Variants in TPD52 observed in about 807,000 individuals in gnomAD.
The protein encoded by TPD52 is tumor protein D52.
TPD52 carries 17 observed loss-of-function variants against 31.3 expected under a neutral mutation model. That is an observed-to-expected ratio of 0.54 (90% CI 0.37 to 0.82). The LOEUF is 0.82. Among genes scored for constraint, TPD52 ranks in the 40% least tolerant of loss-of-function variants. The pLI, the probability that TPD52 is intolerant of heterozygous loss-of-function variation, is 0.00. For missense variants in TPD52, 212 were observed against 240.1 expected (o/e 0.88, Z 0.77); for synonymous variants, 83 against 89.6 (o/e 0.93, Z 0.42).
chr8:80,138,991 T>C (rs1363534258), intron 1 of TPD52, among the ~76,000 whole-genome samples: 1 of 152,164 alleles, frequency 6.6e-6, no homozygotes, highest in African/African-American at 2.4e-5. Context: ...CTTCCTCCAG[T>C]GCCTCCACTG....
rs139433406 is a variant in TPD52, at chr8:80,098,193, T to C, written c.20-33600A>G. 5.7e-3 allele frequency among the ~76,000 whole-genome samples: 872 copies of C among 152,344 alleles called. 9 individuals are homozygous for C. The highest frequency in any genetic ancestry group is 0.02 in the African/African-American group (832 of 41,584). On this transcript the variant is annotated intron_variant, in intron 1 of 7. Transcript: ENST00000518937. ...CGATGGAGATGTACAAGGAGATGAA[T>C]GTTGTTTTCATGCCTGCTAATACAA...
At chr8:80,064,197 C>G (rs1812865409) in intron 2 of TPD52, among the ~76,000 whole-genome samples, 1 of 152,072 alleles carries the variant, frequency 6.6e-6, no homozygotes. Flanking sequence ...TCAGTGAAGT[C>G]CCTTAGAAGA....
At chr8:80,067,718 T>C (rs1039221593) in intron 1 of TPD52, among the ~76,000 whole-genome samples, 26 of 151,872 alleles carry the variant, frequency 1.7e-4, no homozygotes, top group African/African-American at 5.8e-4. Context: ...AAGACAAAAG[T>C]AGGAGGCTGA....
At chr8:80,068,157 G>C (rs1054727216) in intron 1 of TPD52, among the ~76,000 whole-genome samples, 4 of 151,634 alleles carry the variant, frequency 2.6e-5, no homozygotes, top group Non-Finnish European at 5.9e-5. Context: ...TACTACACCA[G>C]CCACTGTGAG....
intron 1 of TPD52, among the ~76,000 whole-genome samples, chr8:80,167,363 G>A (rs1390083598): frequency 1.3e-5 from 2 of 152,232 alleles, no homozygotes; most frequent in East Asian, 3.8e-4. Context: ...GTTTTGCACT[G>A]TGAGTGAGCG....
At chr8:80,079,229 G>A (rs1243693682) in intron 1 of TPD52, among the ~76,000 whole-genome samples, 1 of 152,208 alleles carries the variant, frequency 6.6e-6, no homozygotes, top group Non-Finnish European at 1.5e-5. Context: ...GGCAAGGCAA[G>A]GTCAGCACTG....
At chr8:80,163,188 G>A (rs1811476246) in intron 1 of TPD52, among the ~76,000 whole-genome samples, 1 of 152,152 alleles carries the variant, frequency 6.6e-6, no homozygotes. Context: ...GTTCATTACA[G>A]CATTATTCAC....
intron 4 of TPD52, among the ~76,000 whole-genome samples, chr8:80,050,983 T>A (rs1811320558): frequency 1.4e-5 from 2 of 146,460 alleles, no homozygotes; most frequent in African/African-American, 5.1e-5. Context: ...CAAGGAAAAC[T>A]CTGCAGACTA....
At chr8:80,169,701 T>C (rs972325388) in intron 1 of TPD52, among the ~76,000 whole-genome samples, 2 of 152,124 alleles carry the variant, frequency 1.3e-5, no homozygotes, top group African/African-American at 4.8e-5. Context: ...CAAATACACA[T>C]GGGCACGTTT....
At chr8:80,152,248 AG>A (rs1810622481) in intron 1 of TPD52, among the ~76,000 whole-genome samples, 1 of 152,122 alleles carries the variant, frequency 6.6e-6, no homozygotes. Context: ...CTGACCGGGG[AG>A]AGAGGCCAGC....
At position 80,136,140 on chromosome 8, in the gene TPD52, A is replaced by T. The variant is rs181938737; in HGVS notation, c.19+35285T>A. On this transcript the variant is annotated intron_variant, in intron 1 of 7. Coordinates refer to ENST00000518937, the MANE Select transcript of TPD52 (RefSeq NM_001025253.3). ...TAAAACTTAAAGTATAATAAAAAAT[A>T]AATTAATTAATTAAAAAAAAAAATT... is the stretch of plus-strand genomic sequence containing the variant. Among the ~76,000 whole-genome samples, 1,081 of 149,260 alleles carry T rather than the reference A, an allele frequency of 7.2e-3. 12 individuals carry two copies. The highest frequency in any genetic ancestry group is 0.025 in the African/African-American group (1,003 of 40,260).
chr8:80,140,491 A>G (rs1440358074), intron 1 of TPD52, among the ~76,000 whole-genome samples: 1 of 152,212 alleles, frequency 6.6e-6, no homozygotes, highest in Non-Finnish European at 1.5e-5. Flanking sequence ...GGTTTTGCTT[A>G]TTAGTCTCCA....
intron 1 of TPD52, among the ~76,000 whole-genome samples, chr8:80,076,974 T>A (rs1586242058): frequency 6.6e-6 from 1 of 152,044 alleles, no homozygotes; most frequent in African/African-American, 2.4e-5. Flanking sequence ...GCCAAAAGTT[T>A]TTTTTAAAAA....
At chr8:80,051,357 C>CT in intron 4 of TPD52, 170 bp downstream of exon 4, 1 of 603,632 alleles carries the variant, frequency 1.7e-6, no homozygotes, top group Non-Finnish European at 2.9e-6. Context: ...AATGCTAGGC[C>CT]TAGAAGACCT....
intron 1 of TPD52, among the ~76,000 whole-genome samples, chr8:80,138,257 CTAAT>C (rs889817680): frequency 1.8e-4 from 28 of 152,262 alleles, no homozygotes; most frequent in African/African-American, 5.8e-4. Context: ...GACCCTGTCT[CTAAT>C]TATTTCTCAG....
At chr8:80,113,688 C>T (rs555994035) in intron 1 of TPD52, among the ~76,000 whole-genome samples, 63 of 152,210 alleles carry the variant, frequency 4.1e-4, no homozygotes, top group African/African-American at 1.3e-3. Context: ...ACAGAAAGCA[C>T]CTGCTCTCAT....
intron 1 of TPD52, among the ~76,000 whole-genome samples, chr8:80,095,306 C>A (rs1816648055): frequency 6.6e-6 from 1 of 152,124 alleles, no homozygotes; most frequent in African/African-American, 2.4e-5. Flanking sequence ...ATGTGACATT[C>A]TGGAAAAGAC....
At chr8:80,072,239 C>G (rs1813888734) in intron 1 of TPD52, among the ~76,000 whole-genome samples, 1 of 151,886 alleles carries the variant, frequency 6.6e-6, no homozygotes, top group African/African-American at 2.4e-5. Context: ...ACTCGGGAGG[C>G]AGAGGTTGCA....
chr8:80,125,386 C>T (rs1216158602), intron 1 of TPD52, among the ~76,000 whole-genome samples: 1 of 152,124 alleles, frequency 6.6e-6, no homozygotes, highest in Non-Finnish European at 1.5e-5. Flanking sequence ...CCACTGAACT[C>T]CAGCCTGAGT....
Sources: allele counts gnomAD v4.1 joint callset (sites outside exome capture counted in the v4.1 genomes callset), GRCh38; gene constraint gnomAD v4.1.1; transcripts MANE v1.5; gene names NCBI Gene and HGNC (gene_info 2026-07-23, HGNC 2026-07-21).